Variants in MAN1C1 observed in about 807,000 individuals in gnomAD.
MAN1C1 encodes mannosidase alpha class 1C member 1, also known as mannosyl-oligosaccharide 1,2-alpha-mannosidase IC.
MAN1C1 carries 49 observed loss-of-function variants against 71.5 expected under a neutral mutation model. The observed-to-expected ratio is 0.69, with a 90% CI of 0.54 to 0.87. The LOEUF (loss-of-function observed/expected upper bound fraction) is 0.87, where lower values mean the gene tolerates loss of function less well. MAN1C1 is among the 40% of genes least tolerant of loss of function. MAN1C1 has a pLI of 0.00. For synonymous variants in MAN1C1, 352 were observed against 343.7 expected, an observed-to-expected ratio of 1.02 and a Z score of -0.27; for missense variants, 743 against 835.0, an observed-to-expected ratio of 0.89 and a Z score of 1.36.
At chr1:25,676,123 T>A (rs2046064147) in intron 1 of MAN1C1, among the ~76,000 whole-genome samples, 1 of 152,092 alleles carries the variant, frequency 6.6e-6, no homozygotes, top group African/African-American at 2.4e-5. Context: ...TGGCCCACAC[T>A]CTCGACCCTG....
chr1:25,777,551 C>T (rs1044300762), intron 8 of MAN1C1: 2 of 152,084 alleles, frequency 1.3e-5, no homozygotes, highest in South Asian at 2.1e-4. Flanking sequence ...GTGTAGGGCG[C>T]GGCAGCCCAG....
At chr1:25,640,766 T>C (rs2045525641) in intron 1 of MAN1C1, among the ~76,000 whole-genome samples, 1 of 152,202 alleles carries the variant, frequency 6.6e-6, no homozygotes, top group Non-Finnish European at 1.5e-5. Context: ...TAATGTACAC[T>C]CAGAGGCGGT....
chr1:25,707,736 G>A (rs1423855295), intron 2 of MAN1C1, among the ~76,000 whole-genome samples: 5 of 152,198 alleles, frequency 3.3e-5, no homozygotes, highest in African/African-American at 9.7e-5. Context: ...AGATAAACCC[G>A]ACCTGGATCT....
At chr1:25,682,737 T>A (rs2046171869) in intron 1 of MAN1C1, among the ~76,000 whole-genome samples, 1 of 152,030 alleles carries the variant, frequency 6.6e-6, no homozygotes, top group Admixed American at 6.5e-5. Context: ...TCACTGAGCG[T>A]GTTCAAAAAG....
At chr1:25,774,100 C>T (rs2047588964) in intron 8 of MAN1C1, among the ~76,000 whole-genome samples, 1 of 152,206 alleles carries the variant, frequency 6.6e-6, no homozygotes, top group South Asian at 2.1e-4. Flanking sequence ...AATCCCATGT[C>T]TAGCCTCACC....
At chr1:25,719,260 AG>A (rs1263912177) in intron 2 of MAN1C1, among the ~76,000 whole-genome samples, 2 of 149,510 alleles carry the variant, frequency 1.3e-5, no homozygotes, top group Non-Finnish European at 3.0e-5. Context: ...TTTAGTAGAG[AG>A]GGGGCTTCGC....
At chr1:25,718,157 G>A (rs1335004838) in intron 2 of MAN1C1, among the ~76,000 whole-genome samples, 1 of 152,066 alleles carries the variant, frequency 6.6e-6, no homozygotes, top group African/African-American at 2.4e-5. Context: ...CCTTTCCTAA[G>A]TAACTGTTTG....
chr1:25,751,862 G>C (rs2047220970), intron 4 of MAN1C1, among the ~76,000 whole-genome samples: 1 of 152,152 alleles, frequency 6.6e-6, no homozygotes. Context: ...GTCACAGCTT[G>C]GCATGGCGTC....
At chr1:25,780,417 C>CCCA (rs560664930) in intron 9 of MAN1C1, among the ~76,000 whole-genome samples, 1 of 152,064 alleles carries the variant, frequency 6.6e-6, no homozygotes, top group Non-Finnish European at 1.5e-5. Flanking sequence ...CCCAAACTCT[C>CCCA]GAAGTTTGTT....
intron 1 of MAN1C1, among the ~76,000 whole-genome samples, chr1:25,685,405 C>T (rs1405022107): frequency 2.6e-5 from 4 of 152,210 alleles, no homozygotes; most frequent in Admixed American, 6.5e-5. Context: ...CTCTGCTCCA[C>T]GGGTCACCCC....
chr1:25,690,835 A>G (rs557673796), intron 2 of MAN1C1, among the ~76,000 whole-genome samples: 10 of 152,322 alleles, frequency 6.6e-5, no homozygotes, highest in South Asian at 4.1e-4. Context: ...GGGGGGTGCT[A>G]TTATTGCCAT....
At chr1:25,701,164 G>A (rs369967995) in intron 2 of MAN1C1, among the ~76,000 whole-genome samples, 1 of 152,240 alleles carries the variant, frequency 6.6e-6, no homozygotes, top group African/African-American at 2.4e-5. Flanking sequence ...GGGACCAGAG[G>A]AGTCATTGTG....
intron 2 of MAN1C1, among the ~76,000 whole-genome samples, chr1:25,719,845 G>A (rs117382860): frequency 2.0e-5 from 3 of 152,008 alleles, no homozygotes; most frequent in East Asian, 1.9e-4. Flanking sequence ...ATAGAGTGGC[G>A]CAATCCTGGC....
intron 7 of MAN1C1, among the ~76,000 whole-genome samples, chr1:25,771,071 A>G (rs1340400083): frequency 6.6e-6 from 1 of 152,168 alleles, no homozygotes; most frequent in Non-Finnish European, 1.5e-5. Flanking sequence ...CCCACTGTCC[A>G]GCAGGCAGAG....
intron 1 of MAN1C1, among the ~76,000 whole-genome samples, chr1:25,646,888 A>G (rs1225631836): frequency 6.6e-6 from 1 of 152,124 alleles, no homozygotes; most frequent in African/African-American, 2.4e-5. Flanking sequence ...ATTTGTGTAC[A>G]TGGTTTTGGG....
intron 1 of MAN1C1, among the ~76,000 whole-genome samples, chr1:25,622,023 G>C (rs1052361895): frequency 1.3e-5 from 2 of 152,152 alleles, no homozygotes; most frequent in African/African-American, 2.4e-5. Flanking sequence ...CTGAGAACGC[G>C]GTACTGGAGT....
At chr1:25,660,971 G>GT (rs1287119343) in intron 1 of MAN1C1, among the ~76,000 whole-genome samples, 1 of 152,212 alleles carries the variant, frequency 6.6e-6, no homozygotes, top group East Asian at 1.9e-4. Flanking sequence ...CATTACAGGT[G>GT]TGAGCCACCA....
In MAN1C1 at chr1:25,782,717, C is replaced by T. The variant is rs2047713356; in HGVS notation, c.1766+17C>T. ...GACACTAAAGTGAGCAGTGTGGGCT[C>T]TTCCTAGGGATGGACAGGTGGGAGG... On this transcript the variant is annotated intron_variant, in intron 11 of 11. Transcript: ENST00000374332. The surrounding 1 kb of genome is among the most constrained non-coding windows in gnomAD (Gnocchi z 4.4). 1 of 1,587,416 alleles carries T rather than the reference C, an allele frequency of 6.3e-7. No homozygotes were observed.
chr1:25,681,181 G>A (rs917906988), intron 1 of MAN1C1, among the ~76,000 whole-genome samples: 2 of 149,854 alleles, frequency 1.3e-5, no homozygotes, highest in Admixed American at 6.7e-5. Flanking sequence ...AACTGAGATC[G>A]CACCATTGCA....
Sources: gnomAD v4.1 joint callset for allele counts (sites outside exome capture counted in the v4.1 genomes callset) on GRCh38, gnomAD v4.1.1 for gene constraint, Gnocchi (gnomAD v3.1) non-coding constraint, MANE v1.5 for transcripts, NCBI Gene and HGNC (gene_info 2026-07-23, HGNC 2026-07-21) for gene names.